PLEKHA8: variants seen among roughly 807,000 people sequenced by gnomAD.
The protein encoded by PLEKHA8 is pleckstrin homology domain containing A8.
In PLEKHA8, 36 loss-of-function variants were observed where a neutral mutation model predicts 68.2. The observed-to-expected ratio is 0.53, with a 90% CI of 0.40 to 0.70. The LOEUF is 0.70. Ranked by LOEUF, PLEKHA8 falls within the 30% of genes least tolerant of loss-of-function variation. PLEKHA8 has a pLI of 0.00. For synonymous variants in PLEKHA8, 211 were observed against 216.1 expected, an observed-to-expected ratio of 0.98 and a Z score of 0.20; for missense variants, 505 against 615.4, an observed-to-expected ratio of 0.82 and a Z score of 1.90.
intron 12 of PLEKHA8, 114 bp downstream of exon 12, chr7:30,062,856 C>A (rs1440230915): frequency 1.3e-6 from 1 of 754,180 alleles, no homozygotes. Context: ...GATTTTGTTT[C>A]TTTTCTTATT....
In PLEKHA8 at chr7:30,054,718, A is replaced by T. The variant is rs184996949; in HGVS notation, c.806A>T (p.Glu269Val). 1.2e-4 allele frequency: 193 copies of T among 1,584,540 alleles called. No individual in the cohort carries two copies. The East Asian group carries it at 4.4e-3, about 36-fold the overall frequency. ...NTDDNITVQG[E>V]IRKEDGMENL... ...ATTTTCTACTTTGCAGTCCAAGGTG[A>T]AATAAGGAAGGAAGATGGAATGGAA... is the stretch of plus-strand genomic sequence containing the variant. The change falls in exon 8 of 14, where the codon GAA becomes GTA. Residue 269 changes from glutamate to valine, a missense_variant. By Grantham distance (121) the Glu-to-Val change is moderately radical. Coordinates refer to ENST00000449726, the MANE Select transcript of PLEKHA8 (RefSeq NM_001197026.2).
chr7:30,034,542 C>A (rs867746577), intron 1 of PLEKHA8, among the ~76,000 whole-genome samples: 1 of 151,982 alleles, frequency 6.6e-6, no homozygotes, highest in Non-Finnish European at 1.5e-5. Flanking sequence ...TGCATTCCTA[C>A]AATAAAGTAA....
intron 13 of PLEKHA8, among the ~76,000 whole-genome samples, chr7:30,077,988 A>G (rs1246892768): frequency 6.6e-5 from 10 of 152,206 alleles, no homozygotes; most frequent in Non-Finnish European, 1.5e-5. Flanking sequence ...TATATAAAAT[A>G]GAGATATAAA....
intron 13 of PLEKHA8, among the ~76,000 whole-genome samples, chr7:30,098,104 TTG>T (rs756371762): frequency 6.6e-6 from 1 of 152,226 alleles, no homozygotes; most frequent in Non-Finnish European, 1.5e-5. Context: ...CAGACCCTGT[TTG>T]CCTGGGTATC....
chr7:30,123,014 C>A (rs1323552789), intron 13 of PLEKHA8, among the ~76,000 whole-genome samples: 2 of 152,094 alleles, frequency 1.3e-5, no homozygotes, highest in African/African-American at 4.8e-5. Context: ...ATACAAAGGT[C>A]TCCTGACTTT....
chr7:30,052,519 C>G, intron 6 of PLEKHA8, among the ~76,000 whole-genome samples, 190 bp from the exon 7 acceptor site: 2 of 151,834 alleles, frequency 1.3e-5, no homozygotes, highest in South Asian at 4.2e-4. Flanking sequence ...ACCTGTAGTC[C>G]GAGCTACTCA....
At position 30,081,473 on chromosome 7, in the gene PLEKHA8, T is replaced by C. The variant is rs977339386; in HGVS notation, c.*2686T>C. The C allele has an allele frequency of 1.0e-6, 1 of 985,100 alleles. No individual in the cohort carries two copies. The highest frequency in any genetic ancestry group is 1.7e-5 in the African/African-American group (1 of 57,238). The allele number at this position is 985,100 out of a possible 1,614,324, so 61.0% of individuals were successfully genotyped here. The stretch of plus-strand genomic sequence containing the variant: ...CATCTAAAGTATTTGCTCTCTGTTT[T>C]AGTTAAAGTCATAATTTGCGCTGAT... On this transcript the variant is annotated 3_prime_UTR_variant, in exon 14 of 14. Transcript: ENST00000449726.
chr7:30,103,312 C>T (rs1190712083), intron 13 of PLEKHA8, among the ~76,000 whole-genome samples: 1 of 152,068 alleles, frequency 6.6e-6, no homozygotes, highest in Non-Finnish European at 1.5e-5. Context: ...ATGAATTGTG[C>T]ACTTTGAATT....
At chr7:30,062,832 G>A in intron 12 of PLEKHA8, 90 bp downstream of exon 12, 2 of 915,326 alleles carry the variant, frequency 2.2e-6, no homozygotes, top group South Asian at 3.6e-5. Flanking sequence ...GGATATTTCT[G>A]CTTTTCAGAA....
At chr7:30,088,693 C>T (rs1583456364), downstream of PLEKHA8, among the ~76,000 whole-genome samples, 1 of 152,104 alleles carries the variant, frequency 6.6e-6, no homozygotes, top group Non-Finnish European at 1.5e-5. Flanking sequence ...ATGGAAGGAG[C>T]CCAACCTTGT....
At chr7:30,065,233 T>G (rs1360542431) in intron 12 of PLEKHA8, among the ~76,000 whole-genome samples, 2 of 152,210 alleles carry the variant, frequency 1.3e-5, no homozygotes, top group African/African-American at 2.4e-5. Context: ...CAATTTTCAA[T>G]GGAAAAGAGA....
chr7:30,084,301 T>C lies in PLEKHA8; in HGVS notation c.*5514T>C. On this transcript the variant is annotated 3_prime_UTR_variant, in exon 14 of 14. Coordinates refer to ENST00000449726, the MANE Select transcript of PLEKHA8 (RefSeq NM_001197026.2). ...TGTGGTTTCATAGATTTATGCACTT[T>C]GAATATCTGTCACGTGCAGTGTTAA... 5 of 985,406 alleles carry C rather than the reference T, an allele frequency of 5.1e-6. No individual in the cohort carries two copies. The highest frequency in any genetic ancestry group is 6.0e-6 in the Non-Finnish European group (5 of 829,886). The allele number at this position is 985,406 out of a possible 1,614,324, so 61.0% of individuals were successfully genotyped here. A position where few individuals can be genotyped will look rare whatever the true frequency, so the allele number is the denominator to read the frequency against.
Position 30,099,653 on chromosome 7 carries a change from A to G in PLEKHA8, c.1362+25521A>G, listed in dbSNP as rs530026047. 7.9e-5 allele frequency among the ~76,000 whole-genome samples: 12 copies of G among 152,334 alleles called. No individual in the cohort carries two copies. The South Asian group carries it at 2.5e-3, about 32-fold the overall frequency. On this transcript the variant is annotated intron_variant, in intron 13 of 13. Coordinates refer to the PLEKHA8 transcript ENST00000396257. The stretch of plus-strand genomic sequence containing the variant: ...GGGAGAATACACATTCTTTTCAAGT[A>G]CATGTGGAATATACACCAAGTTATA...
In PLEKHA8 at chr7:30,079,561, A is replaced by G. The variant is rs1271912659; in HGVS notation, c.*774A>G. 2 of 898,342 alleles carry G rather than the reference A, an allele frequency of 2.2e-6. No individual in the cohort carries two copies. Among genetic ancestry groups the G allele is most frequent in the Non-Finnish European group, 2.7e-6 (2 of 750,782 alleles). 55.6% of individuals were successfully genotyped at this position (898,342 alleles called of 1,614,324 possible). A position where few individuals can be genotyped will look rare whatever the true frequency, so the allele number is the denominator to read the frequency against. On this transcript the variant is annotated 3_prime_UTR_variant, in exon 14 of 14. Coordinates refer to ENST00000449726, the MANE Select transcript of PLEKHA8 (RefSeq NM_001197026.2). ...ATTATCTCAATTGGACATCACAAGTAATGATACCCAGAGGGATTATTACTC... is the reference window on the plus strand; with the variant it reads ...ATTATCTCAATTGGACATCACAAGTGATGATACCCAGAGGGATTATTACTC...
chr7:30,128,089 G>GTTTTTTT (rs1487431952), intron 13 of PLEKHA8, among the ~76,000 whole-genome samples: 1 of 121,586 alleles, frequency 8.2e-6, no homozygotes. Flanking sequence ...GAGTTTTACT[G>GTTTTTTT]TATTTTTTTT....
chr7:30,028,709 G>A lies in PLEKHA8; in HGVS notation c.-54G>A. 2 of 1,212,754 alleles carry A rather than the reference G, an allele frequency of 1.6e-6. No individual in the cohort carries two copies. Among genetic ancestry groups the A allele is most frequent in the Non-Finnish European group, 2.1e-6 (2 of 958,528 alleles). The allele number at this position is 1,212,754 out of a possible 1,614,324, so 75.1% of individuals were successfully genotyped here. On this transcript the variant is annotated 5_prime_UTR_variant, in exon 1 of 14. It introduces an in-frame stop codon into an upstream open reading frame of the 5' UTR. Coordinates refer to ENST00000449726, the MANE Select transcript of PLEKHA8 (RefSeq NM_001197026.2). ...TGCTGCTGGTGCTCCTCGCCTCTTG[G>A]GGCCTGGGGCAGTGAGGGGGCCGGC...
intron 9 of PLEKHA8, 47 bp from the exon 10 acceptor site, chr7:30,060,837 C>T (rs780112467): frequency 2.1e-6 from 3 of 1,457,922 alleles, no homozygotes; most frequent in South Asian, 1.2e-5. Context: ...AAAATATTGC[C>T]ACTTAAAAAT....
intron 13 of PLEKHA8, among the ~76,000 whole-genome samples, chr7:30,099,146 C>T (rs1795751937): frequency 6.6e-6 from 1 of 152,212 alleles, no homozygotes; most frequent in Admixed American, 6.5e-5. Flanking sequence ...TTTAATCACA[C>T]ATCCAAACAG....
At chr7:30,115,628 G>C (rs1048732821) in intron 13 of PLEKHA8, among the ~76,000 whole-genome samples, 2 of 151,264 alleles carry the variant, frequency 1.3e-5, no homozygotes, top group Admixed American at 1.3e-4. Flanking sequence ...ACACATACAT[G>C]TACACATACA....
Sources: allele counts gnomAD v4.1 joint callset (sites outside exome capture counted in the v4.1 genomes callset), GRCh38; gene constraint gnomAD v4.1.1; transcripts MANE v1.5; gene names NCBI Gene and HGNC (gene_info 2026-07-23, HGNC 2026-07-21).